Variants in HTR4 observed in about 807,000 individuals in gnomAD.
The protein encoded by HTR4 is 5-hydroxytryptamine (serotonin) receptor 4, G protein-coupled.
Under a neutral mutation model 36.8 loss-of-function variants are expected in HTR4, and 16 were observed. That is an observed-to-expected ratio of 0.43 (90% CI 0.29 to 0.66). The LOEUF (loss-of-function observed/expected upper bound fraction) is 0.66. Ranked by LOEUF, HTR4 falls within the 30% of genes least tolerant of loss-of-function variation. The pLI is 0.13. For synonymous variants in HTR4, 189 were observed against 185.1 expected, an observed-to-expected ratio of 1.02 and a Z score of -0.17; for missense variants, 438 against 490.9, an observed-to-expected ratio of 0.89 and a Z score of 1.02.
intron 3 of HTR4, among the ~76,000 whole-genome samples, chr5:148,549,864 C>T (rs760283064): frequency 1.1e-4 from 17 of 151,984 alleles, no homozygotes; most frequent in Non-Finnish European, 2.4e-4. Flanking sequence ...TATATGTGCT[C>T]TCAACAATTG....
intron 2 of HTR4, among the ~76,000 whole-genome samples, chr5:148,580,546 T>A (rs907437814): frequency 6.6e-6 from 1 of 152,056 alleles, no homozygotes; most frequent in Non-Finnish European, 1.5e-5. Context: ...ACAACTCCCT[T>A]GGTAACCATC....
At chr5:148,516,628 T>C (rs892464084) in intron 5 of HTR4, among the ~76,000 whole-genome samples, 25 of 96,442 alleles carry the variant, frequency 2.6e-4, no homozygotes, top group African/African-American at 4.8e-4. Context: ...AAAAATTCCC[T>C]TTTTTTTTTT....
chr5:148,507,971 C>T (rs532777500), intron 6 of HTR4, among the ~76,000 whole-genome samples: 2 of 152,224 alleles, frequency 1.3e-5, no homozygotes, highest in African/African-American at 4.8e-5. Context: ...GAGAGAATGT[C>T]GGTTTCTAGG....
chr5:148,627,205 T>C (rs931831638), intron 2 of HTR4, among the ~76,000 whole-genome samples: 3 of 152,204 alleles, frequency 2.0e-5, no homozygotes, highest in Non-Finnish European at 4.4e-5. Flanking sequence ...TCAGTCATGC[T>C]TCCTACATGC....
At chr5:148,536,234 G>A (rs1253697152) in intron 4 of HTR4, among the ~76,000 whole-genome samples, 1 of 151,950 alleles carries the variant, frequency 6.6e-6, no homozygotes, top group Non-Finnish European at 1.5e-5. Flanking sequence ...ATCTTGAAAG[G>A]AGCACTAAAT....
At chr5:148,506,592 C>T (rs1322411504) in intron 6 of HTR4, among the ~76,000 whole-genome samples, 1 of 152,106 alleles carries the variant, frequency 6.6e-6, no homozygotes, top group Admixed American at 6.5e-5. Context: ...AGGCAACCTA[C>T]AGAATGGGAG....
chr5:148,557,215 T>C (rs529866984), intron 2 of HTR4, among the ~76,000 whole-genome samples: 1 of 151,652 alleles, frequency 6.6e-6, no homozygotes, highest in African/African-American at 2.4e-5. Context: ...TCTGCAGGAG[T>C]CCAGGTAAAA....
At chr5:148,454,159 T>C (rs1375014227) in intron 5 of HTR4, among the ~76,000 whole-genome samples, 1 of 152,146 alleles carries the variant, frequency 6.6e-6, no homozygotes, top group Admixed American at 6.5e-5. Flanking sequence ...GCCAGCTTTG[T>C]GACATTTGAC....
chr5:148,588,260 T>C (rs990463453), intron 2 of HTR4, among the ~76,000 whole-genome samples: 1 of 152,200 alleles, frequency 6.6e-6, no homozygotes, highest in Non-Finnish European at 1.5e-5. Flanking sequence ...TCTTTAACAA[T>C]TTTTAAAACA....
intron 2 of HTR4, among the ~76,000 whole-genome samples, chr5:148,609,888 G>T (rs1158636318): frequency 1.3e-5 from 2 of 152,068 alleles, no homozygotes; most frequent in Non-Finnish European, 2.9e-5. Context: ...TGCCCAGCTG[G>T]TATTTTTTTT....
chr5:148,599,738 T>C (rs1341183072), intron 2 of HTR4, among the ~76,000 whole-genome samples: 1 of 152,094 alleles, frequency 6.6e-6, no homozygotes, highest in African/African-American at 2.4e-5. Context: ...TTTATTACTA[T>C]ACAAACAATA....
intron 2 of HTR4, among the ~76,000 whole-genome samples, chr5:148,601,487 G>A (rs1252602339): frequency 6.6e-6 from 1 of 152,128 alleles, no homozygotes; most frequent in Non-Finnish European, 1.5e-5. Context: ...ATAAATATAT[G>A]CAGTGGAATA....
intron 2 of HTR4, among the ~76,000 whole-genome samples, chr5:148,592,696 A>G (rs1203904123): frequency 6.6e-6 from 1 of 152,096 alleles, no homozygotes; most frequent in Non-Finnish European, 1.5e-5. Flanking sequence ...AATTCCAGCC[A>G]TCATTTTTTG....
intron 5 of HTR4, among the ~76,000 whole-genome samples, chr5:148,464,055 A>G (rs1000576506): frequency 6.6e-6 from 1 of 150,804 alleles, no homozygotes; most frequent in Non-Finnish European, 1.5e-5. Flanking sequence ...AAAAAAAAGA[A>G]TCTAGACACA....
chr5:148,503,604 C>T (rs1320466583), intron 6 of HTR4, among the ~76,000 whole-genome samples: 1 of 152,176 alleles, frequency 6.6e-6, no homozygotes, highest in Non-Finnish European at 1.5e-5. Context: ...AAATAACCAG[C>T]TAACATCATA....
At chr5:148,527,701 G>A (rs955985739) in intron 4 of HTR4, among the ~76,000 whole-genome samples, 6 of 151,950 alleles carry the variant, frequency 3.9e-5, no homozygotes, top group Middle Eastern at 3.2e-3. Context: ...TGCAACCTCC[G>A]CCTCCCAGGC....
rs141723980 is a variant in HTR4, at chr5:148,469,915, T to A, written c.1077-18643A>T. ...CATTCCGCCTCTTCCTGGCTCAGTA[T>A]CTAACTCTTCATTTCTCCAAGCTTC... On this transcript the variant is annotated intron_variant, in intron 5 of 5. Transcript: ENST00000521530. Among the ~76,000 whole-genome samples, 334 of 152,332 alleles carry A rather than the reference T, an allele frequency of 2.2e-3. 5 individuals carry two copies. The highest frequency in any genetic ancestry group is 4.9e-3 in the Admixed American group (75 of 15,300).
chr5:148,521,058 C>G, intron 5 of HTR4: 1 of 1,326,130 alleles, frequency 7.5e-7, no homozygotes, highest in South Asian at 1.2e-5. Context: ...CTCTTAATCT[C>G]TCCTCTCCAC....
At chr5:148,564,849 C>A (rs544155813) in intron 2 of HTR4, among the ~76,000 whole-genome samples, 1 of 152,092 alleles carries the variant, frequency 6.6e-6, no homozygotes, top group African/African-American at 2.4e-5. Flanking sequence ...TGGTGGCTCA[C>A]GCCTGTAATC....
Sources: gnomAD v4.1 joint callset for allele counts (sites outside exome capture counted in the v4.1 genomes callset) on GRCh38, gnomAD v4.1.1 for gene constraint, MANE v1.5 for transcripts, NCBI Gene and HGNC (gene_info 2026-07-23, HGNC 2026-07-21) for gene names.